DENND1B: variants seen among roughly 807,000 people sequenced by gnomAD.
DENND1B encodes DENN domain-containing protein 1B.
A neutral mutation model predicts 90.1 loss-of-function variants in DENND1B; 59 were observed. The ratio of observed to expected loss-of-function variants is 0.65; its 90% CI spans 0.53 to 0.81. The LOEUF (loss-of-function observed/expected upper bound fraction) is 0.81. Among genes scored for constraint, DENND1B ranks in the 40% least tolerant of loss-of-function variants. DENND1B has a pLI of 0.00. For synonymous variants in DENND1B, 337 were observed against 324.6 expected (o/e 1.04, Z -0.41); for missense variants, 862 against 912.6 (o/e 0.94, Z 0.71).
intron 2 of DENND1B, among the ~76,000 whole-genome samples, chr1:197,772,165 A>G (rs1479231984): frequency 6.6e-6 from 1 of 152,174 alleles, no homozygotes; most frequent in Non-Finnish European, 1.5e-5. Flanking sequence ...TGTAGTTTCC[A>G]TTGGTACTAG....
intron 9 of DENND1B, among the ~76,000 whole-genome samples, 174 bp downstream of exon 9, chr1:197,645,516 A>T (rs2125923480): frequency 6.6e-6 from 1 of 152,124 alleles, no homozygotes; most frequent in East Asian, 1.9e-4. Context: ...AGGGGCAGAT[A>T]TATAAAGAAG....
intron 3 of DENND1B, among the ~76,000 whole-genome samples, chr1:197,697,370 C>G (rs929564302): frequency 6.6e-6 from 1 of 151,736 alleles, no homozygotes; most frequent in African/African-American, 2.4e-5. Flanking sequence ...TCCAACATCT[C>G]TATCACTCTA....
Position 197,703,623 on chromosome 1 carries a change from G to T in DENND1B, c.126+11408C>A, listed in dbSNP as rs566323461. Among the ~76,000 whole-genome samples the T allele has an allele frequency of 3.4e-4, 51 of 152,128 alleles. 1 individual carries two copies. The Middle Eastern group carries it at 0.01, about 30-fold the overall frequency. ...ATGAGCACACAAGGGAATAAAATGTGATTTTTGTCTTGTTTGATAATATCT... is the reference window on the plus strand; with the variant it reads ...ATGAGCACACAAGGGAATAAAATGTTATTTTTGTCTTGTTTGATAATATCT... On this transcript the variant is annotated intron_variant, in intron 3 of 22. Coordinates refer to ENST00000620048, the MANE Select transcript of DENND1B (RefSeq NM_001195215.2).
upstream of DENND1B, among the ~76,000 whole-genome samples, chr1:197,779,429 T>G (rs1657376429): frequency 6.6e-6 from 1 of 152,064 alleles, no homozygotes; most frequent in African/African-American, 2.4e-5. Context: ...TTTCTTTAAT[T>G]TTCTTGACTC....
At chr1:197,675,375 C>T (rs2125989372) in intron 3 of DENND1B, among the ~76,000 whole-genome samples, 1 of 151,858 alleles carries the variant, frequency 6.6e-6, no homozygotes, top group Middle Eastern at 3.4e-3. Flanking sequence ...TATAAAATTC[C>T]AATACCAATA....
chr1:197,599,534 TAA>T (rs1477126746), intron 13 of DENND1B, among the ~76,000 whole-genome samples: 2 of 151,856 alleles, frequency 1.3e-5, no homozygotes, highest in Non-Finnish European at 2.9e-5. Context: ...TTAGAAAAGT[TAA>T]AGTGTCAAAT....
chr1:197,557,942 A>C (rs1327823230), intron 15 of DENND1B, among the ~76,000 whole-genome samples: 1 of 151,858 alleles, frequency 6.6e-6, no homozygotes, highest in Non-Finnish European at 1.5e-5. Context: ...GTGACTCTAT[A>C]ATGTGCTATC....
At chr1:197,601,601 G>A (rs1676219102) in intron 13 of DENND1B, among the ~76,000 whole-genome samples, 1 of 151,558 alleles carries the variant, frequency 6.6e-6, no homozygotes, top group African/African-American at 2.4e-5. Context: ...AGGTAATTTA[G>A]TTGGAAATGA....
intron 10 of DENND1B, among the ~76,000 whole-genome samples, chr1:197,630,000 G>T (rs1679181797): frequency 6.6e-6 from 1 of 152,038 alleles, no homozygotes; most frequent in Non-Finnish European, 1.5e-5. Context: ...AAAACAATGA[G>T]ATACCACTAC....
rs1185748168 is a variant in DENND1B, at chr1:197,560,550, C to T, written c.1150-7438G>A. Among the ~76,000 whole-genome samples the T allele has an allele frequency of 4.0e-5, 6 of 151,802 alleles. No homozygotes were observed. The East Asian group carries it at 1.2e-3, about 30-fold the overall frequency. On this transcript the variant is annotated intron_variant, in intron 15 of 22. Transcript: ENST00000620048. The stretch of plus-strand genomic sequence containing the variant: ...CAGCATTTAAGCCAAGTCTTCAAAG[C>T]CATGAGGAGGTTTAATGGGAAAAGA...
intron 15 of DENND1B, among the ~76,000 whole-genome samples, chr1:197,553,525 C>T (rs546550431): frequency 1.4e-4 from 21 of 152,178 alleles, no homozygotes; most frequent in African/African-American, 5.1e-4. Context: ...GCCTGTTTAC[C>T]CAGTACCTGC....
intron 5 of DENND1B, among the ~76,000 whole-genome samples, chr1:197,669,168 A>C (rs1275541846): frequency 6.6e-6 from 1 of 152,096 alleles, no homozygotes; most frequent in Non-Finnish European, 1.5e-5. Flanking sequence ...AGATTTTATT[A>C]TACTTGTCAC....
At chr1:197,580,531 T>G (rs1011795658) in intron 15 of DENND1B, among the ~76,000 whole-genome samples, 2 of 152,170 alleles carry the variant, frequency 1.3e-5, no homozygotes, top group Non-Finnish European at 2.9e-5. Context: ...AATATATGTT[T>G]GCCTCTTCCT....
chr1:197,694,569 A>G (rs1658241735), intron 3 of DENND1B, among the ~76,000 whole-genome samples: 1 of 151,456 alleles, frequency 6.6e-6, no homozygotes, highest in Non-Finnish European at 1.5e-5. Flanking sequence ...TTGAAAAAAT[A>G]ATTTCTCCAC....
intron 3 of DENND1B, among the ~76,000 whole-genome samples, chr1:197,697,234 T>A (rs771135318): frequency 4.6e-5 from 7 of 151,710 alleles, no homozygotes. Flanking sequence ...TGAACTATCA[T>A]GTCACTGATA....
intron 15 of DENND1B, among the ~76,000 whole-genome samples, chr1:197,555,451 A>G (rs905071265): frequency 6.6e-6 from 1 of 152,184 alleles, no homozygotes; most frequent in African/African-American, 2.4e-5. Context: ...AAATACTGGC[A>G]AACTATGCAT....
chr1:197,651,832 T>C (rs1017992208), intron 7 of DENND1B, among the ~76,000 whole-genome samples: 2 of 151,726 alleles, frequency 1.3e-5, no homozygotes, highest in African/African-American at 4.8e-5. Context: ...ATTTTTTGTA[T>C]TTTTAGTAGA....
intron 10 of DENND1B, among the ~76,000 whole-genome samples, chr1:197,641,123 G>A (rs1340155265): frequency 2.0e-5 from 3 of 152,162 alleles, no homozygotes; most frequent in African/African-American, 7.2e-5. Context: ...AGTCGAATAT[G>A]GTTAATGTCT....
At chr1:197,738,091 GA>G (rs1662881422) in intron 2 of DENND1B, among the ~76,000 whole-genome samples, 2 of 151,986 alleles carry the variant, frequency 1.3e-5, no homozygotes, top group African/African-American at 4.8e-5. Flanking sequence ...AGATTTCTCT[GA>G]CACCTGTTTA....
Sources: gnomAD v4.1 joint callset for allele counts (sites outside exome capture counted in the v4.1 genomes callset) on GRCh38, gnomAD v4.1.1 for gene constraint, MANE v1.5 for transcripts, NCBI Gene and HGNC (gene_info 2026-07-23, HGNC 2026-07-21) for gene names.